The following EML5 variants were observed in gnomAD, a reference collection of about 807,000 sequenced individuals.
EML5 encodes echinoderm microtubule-associated protein-like 5.
In EML5, 120 loss-of-function variants were observed where a neutral mutation model predicts 250.0. That is an observed-to-expected ratio of 0.48 (90% CI 0.41 to 0.56). The LOEUF (loss-of-function observed/expected upper bound fraction) is 0.56. Among genes scored for constraint, EML5 ranks in the 20% least tolerant of loss-of-function variants. The pLI is 0.00. For synonymous variants in EML5, 771 were observed against 806.5 expected, an observed-to-expected ratio of 0.96 and a Z score of 0.75; for missense variants, 2,006 against 2,437.6, an observed-to-expected ratio of 0.82 and a Z score of 3.73.
chr14:88,647,710 A>AG (rs2091425038), intron 28 of EML5, among the ~76,000 whole-genome samples: 4 of 149,362 alleles, frequency 2.7e-5, no homozygotes, highest in Non-Finnish European at 5.9e-5. Context: ...AAAAAAAAAA[A>AG]GGGTTACTCC....
intron 32 of EML5, among the ~76,000 whole-genome samples, chr14:88,634,858 C>T (rs980422368): frequency 6.6e-6 from 1 of 152,126 alleles, no homozygotes. Flanking sequence ...GCAAAGGTTA[C>T]TATATAACTC....
chr14:88,722,553 G>A (rs10141577), intron 8 of EML5, among the ~76,000 whole-genome samples: 60,849 of 151,702 alleles, frequency 0.4, 14,669 homozygotes, highest in African/African-American at 0.66. Context: ...TTATAAGTGG[G>A]AGCTGAACAA....
At chr14:88,766,263 G>A (rs1375678914) in intron 1 of EML5, among the ~76,000 whole-genome samples, 1 of 152,166 alleles carries the variant, frequency 6.6e-6, no homozygotes, top group Non-Finnish European at 1.5e-5. Context: ...ATAACCATTA[G>A]GTCTGGCTGC....
At chr14:88,627,851 C>G in intron 33 of EML5, 32 bp from the exon 34 acceptor site, 1 of 1,527,986 alleles carries the variant, frequency 6.5e-7, no homozygotes, top group Non-Finnish European at 8.8e-7. Context: ...AAGTTGTAAT[C>G]TACCTGTTAT....
chr14:88,786,855 C>T (rs1008611578), intron 1 of EML5, among the ~76,000 whole-genome samples: 1 of 152,188 alleles, frequency 6.6e-6, no homozygotes, highest in African/African-American at 2.4e-5. Context: ...CTCCCAGTCT[C>T]AGGTATCTCT....
chr14:88,651,729 T>C (rs753721174), intron 27 of EML5, among the ~76,000 whole-genome samples: 4 of 151,824 alleles, frequency 2.6e-5, no homozygotes, highest in African/African-American at 4.8e-5. Context: ...TATTTTCATA[T>C]TTATCTGTAT....
intron 21 of EML5, among the ~76,000 whole-genome samples, chr14:88,670,696 C>A (rs2092439054): frequency 6.6e-6 from 1 of 152,068 alleles, no homozygotes; most frequent in African/African-American, 2.4e-5. Flanking sequence ...AGCTGTTAAC[C>A]AGAATAACCA....
intron 13 of EML5, among the ~76,000 whole-genome samples, chr14:88,703,017 G>T (rs983799446): frequency 3.9e-5 from 6 of 152,008 alleles, no homozygotes; most frequent in African/African-American, 1.5e-4. Context: ...AAAGTGCTGG[G>T]ATTACAGGTG....
chr14:88,780,573 CTT>C (rs35015569), intron 1 of EML5, among the ~76,000 whole-genome samples: 1 of 147,316 alleles, frequency 6.8e-6, no homozygotes, highest in African/African-American at 2.5e-5. Context: ...TATAAAAAAT[CTT>C]TTTTTTTTTC....
chr14:88,769,692 T>C (rs2094367226), intron 1 of EML5, among the ~76,000 whole-genome samples: 1 of 152,242 alleles, frequency 6.6e-6, no homozygotes, highest in Non-Finnish European at 1.5e-5. Context: ...TTATGTATAC[T>C]AACCCATGCA....
In EML5 at chr14:88,618,821, A is replaced by G. The variant is rs1355936950; in HGVS notation, c.5376-9T>C. ...GGGAATCCGGACTAAATCTGAATCAAAACAAAACGTAAAAAGTATTAGACC... is the reference window on the plus strand; with the variant it reads ...GGGAATCCGGACTAAATCTGAATCAGAACAAAACGTAAAAAGTATTAGACC... On this transcript the variant is annotated splice_polypyrimidine_tract_variant and intron_variant, in intron 39 of 43. Coordinates refer to ENST00000554922, the MANE Select transcript of EML5 (RefSeq NM_183387.3). 6.4e-7 allele frequency: 1 copy of G among 1,565,096 alleles called. No homozygotes were observed.
chr14:88,665,451 A>C lies in EML5; in HGVS notation c.3163T>G (p.Leu1055Val), dbSNP rs373476855. The change falls in exon 22 of 44, where the codon TTA becomes GTA. Residue 1055 changes from leucine to valine, a missense_variant. Around this residue, in one of 7 missense-constraint regions of EML5, gnomAD observed 1,375 missense variants for 1,590.3 expected, o/e 0.86. Coordinates refer to ENST00000554922, the MANE Select transcript of EML5 (RefSeq NM_183387.3). ...CCCFSPDGKA[L>V]AVGLNDGSFL... ...CTTCCATCGTTGAGACCTACGGCTA[A>C]AGCTTTACCATCAGGAGAAAAACAG... 1.3e-4 allele frequency: 210 copies of C among 1,614,010 alleles called. 1 individual carries two copies. The East Asian group carries it at 4.4e-3, about 34-fold the overall frequency.
chr14:88,726,291 T>C (rs1164923119), intron 8 of EML5, among the ~76,000 whole-genome samples: 1 of 152,196 alleles, frequency 6.6e-6, no homozygotes, highest in Non-Finnish European at 1.5e-5. Context: ...TAGCCATTAA[T>C]CTATTAAGCA....
Position 88,712,413 on chromosome 14 carries a change from GC to G in EML5, c.1514del (p.Gly505AlafsTer4). On this transcript the variant is annotated frameshift_variant, in exon 10 of 44. Coordinates refer to ENST00000554922, the MANE Select transcript of EML5 (RefSeq NM_183387.3). LOFTEE classifies it high-confidence loss of function. ...TGGGCCAAATTCCATTTACTTCAAGGCCTGAAACACATGTCCATGAAGCCCA... is the reference window on the plus strand; with the variant it reads ...TGGGCCAAATTCCATTTACTTCAAGGCTGAAACACATGTCCATGAAGCCCA... ...VHWASWTCVS[G>X]LEVNGIWPKY... The G allele has an allele frequency of 6.2e-7, 1 of 1,613,470 alleles. No individual in the cohort carries two copies. The highest frequency in any genetic ancestry group is 1.1e-5 in the South Asian group (1 of 91,052).
At chr14:88,752,046 GT>G (rs1227062676) in intron 2 of EML5, among the ~76,000 whole-genome samples, 2 of 152,098 alleles carry the variant, frequency 1.3e-5, no homozygotes, top group Non-Finnish European at 2.9e-5. Context: ...TAGCTATTAT[GT>G]TTTTATGAAC....
chr14:88,699,664 T>C (rs2093163812), intron 14 of EML5, among the ~76,000 whole-genome samples: 1 of 152,044 alleles, frequency 6.6e-6, no homozygotes, highest in Admixed American at 6.6e-5. Flanking sequence ...TCAGTAGAGA[T>C]ATGGAAAAAT....
intron 25 of EML5, among the ~76,000 whole-genome samples, chr14:88,659,354 G>A (rs1274050986): frequency 6.6e-6 from 1 of 151,964 alleles, no homozygotes; most frequent in African/African-American, 2.4e-5. Flanking sequence ...GGGAATACAG[G>A]GACCCGCCAC....
At chr14:88,669,135 G>T (rs2092389162) in intron 21 of EML5, among the ~76,000 whole-genome samples, 1 of 152,150 alleles carries the variant, frequency 6.6e-6, no homozygotes, top group Non-Finnish European at 1.5e-5. Flanking sequence ...ATCCTGCCCG[G>T]GAAACCACAC....
intron 16 of EML5, 49 bp downstream of exon 16, chr14:88,695,312 C>A: frequency 6.8e-7 from 1 of 1,470,492 alleles, no homozygotes; most frequent in Non-Finnish European, 9.1e-7. Context: ...TTTTTAAGTC[C>A]AAAGTAATTC....
Sources: gnomAD v4.1 joint callset for allele counts (sites outside exome capture counted in the v4.1 genomes callset) on GRCh38, gnomAD v4.1.1 for gene constraint, gnomAD v4.1.1 regional missense constraint, MANE v1.5 for transcripts, NCBI Gene and HGNC (gene_info 2026-07-23, HGNC 2026-07-21) for gene names.